The following TACR2 variants were observed in gnomAD, a reference collection of about 807,000 sequenced individuals.
TACR2 encodes the protein substance-K receptor.
Under a neutral mutation model 28.9 loss-of-function variants are expected in TACR2, and 24 were observed. The observed-to-expected ratio is 0.83, with a 90% CI of 0.60 to 1.17. The LOEUF is 1.17. Among genes scored for constraint, TACR2 ranks in the 50% most tolerant of loss-of-function variants. The pLI is 0.00. For missense variants in TACR2, 487 were observed against 524.4 expected, an observed-to-expected ratio of 0.93 and a Z score of 0.70; for synonymous variants, 222 against 212.6, an observed-to-expected ratio of 1.04 and a Z score of -0.38.
In TACR2 at chr10:69,416,349, G is replaced by A; in HGVS notation, c.-26C>T. On this transcript the variant is annotated 5_prime_UTR_variant, in exon 1 of 5. Coordinates refer to ENST00000373306, the MANE Select transcript of TACR2 (RefSeq NM_001057.3). ...GGCTGCTTCTGGGTCTGGAACAAAG[G>A]ACCTGGCTCCTCGGCTCCTCTCGGA... 4 of 1,554,092 alleles carry A rather than the reference G, an allele frequency of 2.6e-6. No individual in the cohort carries two copies. Among genetic ancestry groups the A allele is most frequent in the Middle Eastern group, 3.5e-4 (2 of 5,736 alleles).
chr10:69,414,920 C>T lies in TACR2; in HGVS notation c.587+25G>A, dbSNP rs200698825. The stretch of plus-strand genomic sequence containing the variant: ...AGACTCACACACACACACTGTTGCC[C>T]TCCACAATCCCCCAGAGGCCTTACA... On this transcript the variant is annotated intron_variant, in intron 2 of 4. Transcript: ENST00000373306. 9.4e-6 allele frequency: 15 copies of T among 1,594,430 alleles called. No homozygotes were observed. The African/African-American group carries it at 1.9e-4, about 20-fold the overall frequency.
chr10:69,408,916 G>T lies in TACR2; in HGVS notation c.741+6C>A, dbSNP rs773886387. On this transcript the variant is annotated splice_donor_region_variant and intron_variant, in intron 3 of 4. Coordinates refer to ENST00000373306, the MANE Select transcript of TACR2 (RefSeq NM_001057.3). ...GCCCCCTCCAGGCCCCCGCCCCCGC[G>T]CCCACCTTCTTCATGGCCTGCAGGT... The T allele has an allele frequency of 3.0e-6, 4 of 1,328,048 alleles. No homozygotes were observed. The Admixed American group carries it at 1.3e-4, about 43-fold the overall frequency. The allele number at this position is 1,328,048 out of a possible 1,614,324, so 82.3% of individuals were successfully genotyped here. A position where few individuals can be genotyped will look rare whatever the true frequency, so the allele number is the denominator to read the frequency against.
intron 4 of TACR2, among the ~76,000 whole-genome samples, chr10:69,405,448 T>A (rs11510952): frequency 0.058 from 8,767 of 152,090 alleles, 763 homozygotes; most frequent in African/African-American, 0.19. Flanking sequence ...TTCTAAGGGA[T>A]GAGTCAAAGA....
At chr10:69,406,848 A>G (rs1215138211) in intron 4 of TACR2, among the ~76,000 whole-genome samples, 1 of 152,148 alleles carries the variant, frequency 6.6e-6, no homozygotes, top group African/African-American at 2.4e-5. Context: ...AGTGAGAGCT[A>G]CAGCCTGGGA....
chr10:69,411,595 C>T (rs1057041094), intron 2 of TACR2, among the ~76,000 whole-genome samples: 1 of 152,098 alleles, frequency 6.6e-6, no homozygotes, highest in African/African-American at 2.4e-5. Context: ...AAGATCAGTG[C>T]TTGAGATGTT....
At chr10:69,409,927 A>ATATATATATATG (rs1564581170) in intron 2 of TACR2, among the ~76,000 whole-genome samples, 3 of 74,860 alleles carry the variant, frequency 4.0e-5, no homozygotes, top group East Asian at 6.5e-4. Context: ...ATATATATAT[A>ATATATATATATG]TATATATATA....
chr10:69,411,551 A>C (rs1840569734), intron 2 of TACR2, among the ~76,000 whole-genome samples: 1 of 152,130 alleles, frequency 6.6e-6, no homozygotes, highest in South Asian at 2.1e-4. Context: ...CCTCCCCCAA[A>C]TTCCTTGGGG....
rs1342146518 is a variant in TACR2 at position 69,404,942 on chromosome 10, C to T, written c.1081G>A (p.Gly361Arg). 1.9e-6 allele frequency: 3 copies of T among 1,614,088 alleles called. No homozygotes were observed. Among genetic ancestry groups the T allele is most frequent in the African/African-American group, 2.7e-5 (2 of 74,950 alleles). The change falls in exon 5 of 5, where the codon GGG (glycine) becomes AGG (arginine). Residue 361 changes from glycine (G) to arginine (R), a missense_variant. Physicochemically the swap from Gly to Arg is moderately radical, Grantham distance 125 (BLOSUM62 -2). Transcript: ENST00000373306. ...CHTKETLFMAGDTAPSEATSG... is the reference protein window; with the variant it reads ...CHTKETLFMARDTAPSEATSG... ...GTAGCCTCGGAGGGGGCTGTGTCCC[C>T]AGCCATGAACAAAGTCTCCTTAGTG...
At chr10:69,406,375 G>A (rs769662269) in intron 4 of TACR2, among the ~76,000 whole-genome samples, 11 of 152,166 alleles carry the variant, frequency 7.2e-5, no homozygotes, top group Non-Finnish European at 1.6e-4. Flanking sequence ...GTGCCCCAGA[G>A]CAAGTGCAGG....
chr10:69,411,506 A>C (rs751422362), intron 2 of TACR2, among the ~76,000 whole-genome samples: 6 of 152,170 alleles, frequency 3.9e-5, no homozygotes, highest in Non-Finnish European at 8.8e-5. Context: ...GAAATTATTT[A>C]GGGGTCATGC....
Position 69,415,902 on chromosome 10 carries a change from TC to T in TACR2, c.392+29del, listed in dbSNP as rs777469497. ...CTGAGCCCCGGCTCAGTGGGGAGGC[TC>T]CCCCCAGCTTCCCCAAGGACCCTCT... On this transcript the variant is annotated intron_variant, in intron 1 of 4. Coordinates refer to ENST00000373306, the MANE Select transcript of TACR2 (RefSeq NM_001057.3). The T allele has an allele frequency of 3.1e-6, 5 of 1,603,434 alleles. No homozygotes were observed. In the Admixed American group the frequency reaches 5.0e-5, roughly 16 times the overall value.
intron 4 of TACR2, among the ~76,000 whole-genome samples, chr10:69,405,538 A>G (rs979951925): frequency 6.6e-6 from 1 of 152,052 alleles, no homozygotes; most frequent in African/African-American, 2.4e-5. Context: ...ACATTGAAAA[A>G]CCCACACTCG....
Position 69,408,908 on chromosome 10 carries a change from G to T in TACR2, c.741+14C>A. The T allele has an allele frequency of 1.8e-6, 2 of 1,102,426 alleles. No individual in the cohort carries two copies. Among genetic ancestry groups the T allele is most frequent in the East Asian group, 4.5e-5 (1 of 22,056 alleles). The allele number at this position is 1,102,426 out of a possible 1,614,324, so 68.3% of individuals were successfully genotyped here. A position where few individuals can be genotyped will look rare whatever the true frequency, so the allele number is the denominator to read the frequency against. On this transcript the variant is annotated intron_variant, in intron 3 of 4. Coordinates refer to ENST00000373306, the MANE Select transcript of TACR2 (RefSeq NM_001057.3). ...CAGGCCCCGCCCCCTCCAGGCCCCC[G>T]CCCCCGCGCCCACCTTCTTCATGGC... is the stretch of plus-strand genomic sequence containing the variant.
intron 2 of TACR2, among the ~76,000 whole-genome samples, chr10:69,414,696 C>G (rs984552989): frequency 6.6e-6 from 1 of 152,102 alleles, no homozygotes; most frequent in Admixed American, 6.5e-5. Flanking sequence ...TAATATATAT[C>G]CCACATAGTT....
rs199613917 is a variant in TACR2, at chr10:69,416,433, C to A, written c.-110G>T. ...GGGAATATGGGGGCAGGGAGAGGAG[C>A]AGATGCCAAGCGTGGTGGCACATCA... On this transcript the variant is annotated 5_prime_UTR_variant, in exon 1 of 5. Transcript: ENST00000373306. 14 of 1,462,172 alleles carry A rather than the reference C, an allele frequency of 9.6e-6. No homozygotes were observed. The highest frequency in any genetic ancestry group is 1.4e-5 in the South Asian group (1 of 71,304). 90.6% of individuals were successfully genotyped at this position (1,462,172 alleles called of 1,614,324 possible).
chr10:69,409,414 A>C, intron 2 of TACR2: 2 of 178,904 alleles, frequency 1.1e-5, no homozygotes, highest in Non-Finnish European at 1.2e-5. Context: ...ATTAAGCACA[A>C]AGGAGGCAGT....
In TACR2 at chr10:69,405,044, A is replaced by G. The variant is rs552398032; in HGVS notation, c.979T>C (p.Trp327Arg). Reference sequence around the variant, plus strand: ...TTATCTTCCTTGGTGGGTGTGACCCATGGGCAGCAGCGGAAGGCAAGCCGG... The same window carrying G: ...TTATCTTCCTTGGTGGGTGTGACCCGTGGGCAGCAGCGGAAGGCAAGCCGG... ...GFRLAFRCCP[W>R]VTPTKEDKLE... The change falls in exon 5 of 5, where the codon TGG becomes CGG. Residue 327 changes from tryptophan (W) to arginine (R), a missense_variant. Physicochemically the swap from Trp to Arg is moderately radical, Grantham distance 101. Coordinates refer to ENST00000373306, the MANE Select transcript of TACR2 (RefSeq NM_001057.3). 29 of 1,613,974 alleles carry G rather than the reference A, an allele frequency of 1.8e-5. No homozygotes were observed. The highest frequency in any genetic ancestry group is 9.9e-5 in the South Asian group (9 of 91,056).
Position 69,404,759 on chromosome 10 carries a change from AG to A in TACR2, c.*66del. On this transcript the variant is annotated 3_prime_UTR_variant, in exon 5 of 5. Coordinates refer to ENST00000373306, the MANE Select transcript of TACR2 (RefSeq NM_001057.3). ...ACTGGAAGGCATTAATCTATTCATAAGGGATCCATCCCCAATACCCAAACAC... is the reference window on the plus strand; with the variant it reads ...ACTGGAAGGCATTAATCTATTCATAAGGATCCATCCCCAATACCCAAACAC... 1.3e-6 allele frequency: 1 copy of A among 777,406 alleles called. No homozygotes were observed. Among genetic ancestry groups the A allele is most frequent in the Non-Finnish European group, 2.0e-6 (1 of 495,052 alleles). The allele number at this position is 777,406 out of a possible 1,614,324, so 48.2% of individuals were successfully genotyped here. A position where few individuals can be genotyped will look rare whatever the true frequency, so the allele number is the denominator to read the frequency against.
chr10:69,405,294 G>A (rs1840491820), intron 4 of TACR2, among the ~76,000 whole-genome samples: 1 of 152,198 alleles, frequency 6.6e-6, no homozygotes, highest in African/African-American at 2.4e-5. Flanking sequence ...GCTGGGTCTA[G>A]TGAATGAAGT....
Sources: allele counts gnomAD v4.1 joint callset (sites outside exome capture counted in the v4.1 genomes callset), GRCh38; gene constraint gnomAD v4.1.1; transcripts MANE v1.5; gene names NCBI Gene and HGNC (gene_info 2026-07-23, HGNC 2026-07-21).